The following SEC11A variants were observed in gnomAD, a reference collection of about 807,000 sequenced individuals.
SEC11A encodes signal peptidase complex catalytic subunit SEC11A.
A neutral mutation model predicts 25.6 loss-of-function variants in SEC11A; 14 were observed. That is an observed-to-expected ratio of 0.55 (90% CI 0.36 to 0.85). The LOEUF is 0.85. Ranked by LOEUF, SEC11A falls within the 40% of genes least tolerant of loss-of-function variation. The pLI is 0.01. For missense variants in SEC11A, 153 were observed against 222.9 expected, an observed-to-expected ratio of 0.69 and a Z score of 2.00; for synonymous variants, 83 against 76.4, an observed-to-expected ratio of 1.09 and a Z score of -0.45.
chr15:84,679,887 T>C (rs1596070360), intron 4 of SEC11A: 2 of 1,382,880 alleles, frequency 1.4e-6, no homozygotes, highest in East Asian at 2.5e-5. Flanking sequence ...ATTAATTACA[T>C]TAAGGGAGCA....
intron 1 of SEC11A, chr15:84,714,890 C>G (rs1898408833): frequency 6.6e-6 from 1 of 152,110 alleles, no homozygotes; most frequent in Non-Finnish European, 1.5e-5. Flanking sequence ...CAATAAATAT[C>G]AGACTCAAAA....
intron 1 of SEC11A, among the ~76,000 whole-genome samples, chr15:84,696,411 A>G (rs1897768496): frequency 6.6e-6 from 1 of 152,242 alleles, no homozygotes; most frequent in Admixed American, 6.5e-5. Context: ...ACCAGAAGAT[A>G]AACAGTGAGG....
intron 1 of SEC11A, among the ~76,000 whole-genome samples, chr15:84,706,515 A>C (rs551988422): frequency 1.3e-5 from 2 of 152,328 alleles, no homozygotes; most frequent in Admixed American, 1.3e-4. Context: ...TTCTTATGAC[A>C]ACCCTTCAAT....
chr15:84,685,701 A>T (rs1567036905), intron 3 of SEC11A, among the ~76,000 whole-genome samples: 1 of 152,122 alleles, frequency 6.6e-6, no homozygotes, highest in Non-Finnish European at 1.5e-5. Flanking sequence ...TTTGTTCACA[A>T]CAGGCATTGC....
intron 4 of SEC11A, chr15:84,680,059 T>C: frequency 1.2e-6 from 1 of 808,980 alleles, no homozygotes; most frequent in Non-Finnish European, 2.0e-6. Context: ...ATTAACATGA[T>C]AAAACTAATT....
intron 4 of SEC11A, among the ~76,000 whole-genome samples, chr15:84,674,513 C>A (rs1437110426): frequency 6.6e-6 from 1 of 151,968 alleles, no homozygotes; most frequent in Non-Finnish European, 1.5e-5. Flanking sequence ...ATCCTCAGCT[C>A]CCAGCAATCA....
At chr15:84,672,014 T>G (rs1896996498) in intron 4 of SEC11A, 1 of 152,304 alleles carries the variant, frequency 6.6e-6, no homozygotes, top group African/African-American at 2.4e-5. Context: ...GGCAATATTG[T>G]ACTAAGCTAG....
chr15:84,694,150 T>C (rs1897690887), intron 1 of SEC11A, among the ~76,000 whole-genome samples: 1 of 151,998 alleles, frequency 6.6e-6, no homozygotes, highest in Non-Finnish European at 1.5e-5. Context: ...AGGCCAGAAG[T>C]AGGAGACCAG....
intron 3 of SEC11A, among the ~76,000 whole-genome samples, chr15:84,682,473 G>A (rs1006039152): frequency 6.6e-6 from 1 of 152,152 alleles, no homozygotes; most frequent in Admixed American, 6.6e-5. Context: ...TTTTGAGACA[G>A]AGTCTCACAC....
intron 4 of SEC11A, chr15:84,679,420 C>A: frequency 3.2e-6 from 1 of 309,960 alleles, no homozygotes; most frequent in South Asian, 2.7e-5. Context: ...CTGATCTGAT[C>A]TCTTTGGCCC....
At chr15:84,688,156 T>G (rs1034931334) in intron 2 of SEC11A, among the ~76,000 whole-genome samples, 3 of 152,166 alleles carry the variant, frequency 2.0e-5, no homozygotes, top group Non-Finnish European at 4.4e-5. Context: ...ACTAAACATA[T>G]TCAGATATGC....
At chr15:84,691,474 T>C in intron 2 of SEC11A, 61 bp downstream of exon 2, 1 of 893,210 alleles carries the variant, frequency 1.1e-6, no homozygotes, top group East Asian at 2.4e-5. Flanking sequence ...TTATTTCATA[T>C]CTCAATTTTT....
chr15:84,700,003 C>T (rs761890461), intron 1 of SEC11A, among the ~76,000 whole-genome samples: 3 of 151,900 alleles, frequency 2.0e-5, no homozygotes, highest in Non-Finnish European at 4.4e-5. Flanking sequence ...AGGTATTACT[C>T]ACTTGTAGTG....
chr15:84,690,060 G>C (rs988207750), intron 2 of SEC11A, among the ~76,000 whole-genome samples: 2 of 152,118 alleles, frequency 1.3e-5, no homozygotes, highest in Non-Finnish European at 1.5e-5. Flanking sequence ...TTGAACCCAG[G>C]AGTTCAAGAC....
intron 1 of SEC11A, among the ~76,000 whole-genome samples, chr15:84,700,958 T>A (rs1897918881): frequency 1.7e-5 from 2 of 120,006 alleles, no homozygotes; most frequent in Admixed American, 2.2e-4. Context: ...TACTCCTACC[T>A]GGGCAACAAG....
In SEC11A at chr15:84,680,787, C is replaced by T. The variant is rs759667507; in HGVS notation, c.357G>A (p.Ala119=). The T allele has an allele frequency of 4.3e-6, 7 of 1,611,670 alleles. No homozygotes were observed. Among genetic ancestry groups the T allele is most frequent in the South Asian group, 3.3e-5 (3 of 90,852 alleles). ...GTTTATAGAGGCCTCGGTCATCAACCGCATTATTATCTCCTTTGGTCAAAA... is the reference window on the plus strand; with the variant it reads ...GTTTATAGAGGCCTCGGTCATCAACTGCATTATTATCTCCTTTGGTCAAAA... The part of the protein sequence containing the change: ...IKFLTKGDNN[A]VDDRGLYKQG... Residue 119 remains alanine, a synonymous_variant, in exon 4 of 6, where the codon GCG becomes GCA. Coordinates refer to ENST00000268220, the MANE Select transcript of SEC11A (RefSeq NM_014300.4).
intron 1 of SEC11A, among the ~76,000 whole-genome samples, chr15:84,705,113 C>CG (rs1898058081): frequency 1.3e-5 from 2 of 151,996 alleles, no homozygotes; most frequent in African/African-American, 4.8e-5. Context: ...CTTGTAGAGA[C>CG]GGGGTCTCAC....
chr15:84,696,668 G>A (rs963993231), intron 1 of SEC11A, among the ~76,000 whole-genome samples: 1 of 152,074 alleles, frequency 6.6e-6, no homozygotes, highest in African/African-American at 2.4e-5. Flanking sequence ...TATACTCTTA[G>A]CAGGGTTTAT....
intron 3 of SEC11A, chr15:84,685,871 C>A (rs1283941669): frequency 7.4e-6 from 1 of 135,162 alleles, no homozygotes; most frequent in Non-Finnish European, 1.5e-5. Flanking sequence ...GGCGTGATCT[C>A]AGCTCACTGC....
Sources: gnomAD v4.1 joint callset for allele counts (sites outside exome capture counted in the v4.1 genomes callset) on GRCh38, gnomAD v4.1.1 for gene constraint, MANE v1.5 for transcripts, NCBI Gene and HGNC (gene_info 2026-07-23, HGNC 2026-07-21) for gene names.